The following RIMKLB variants were observed in gnomAD, a reference collection of about 807,000 sequenced individuals.
RIMKLB encodes beta-citrylglutamate synthase B.
RIMKLB carries 7 observed loss-of-function variants against 32.0 expected under a neutral mutation model. That is an observed-to-expected ratio of 0.22 (90% CI 0.12 to 0.41). RIMKLB has a LOEUF of 0.41. Ranked by LOEUF, RIMKLB falls within the 10% of genes least tolerant of loss-of-function variation. The pLI is 1.00. For missense variants in RIMKLB, 289 were observed against 498.7 expected (o/e 0.58, Z 4.00); for synonymous variants, 172 against 185.1 (o/e 0.93, Z 0.57).
intron 1 of RIMKLB, among the ~76,000 whole-genome samples, chr12:8,707,921 GTAT>G (rs1376252104): frequency 2.0e-5 from 3 of 152,152 alleles, no homozygotes; most frequent in African/African-American, 7.2e-5. Context: ...CAAGTCTTTA[GTAT>G]TATTATTTTT....
chr12:8,769,854 C>G (rs1950264476), intron 5 of RIMKLB, among the ~76,000 whole-genome samples: 1 of 152,192 alleles, frequency 6.6e-6, no homozygotes, highest in Admixed American at 6.5e-5. Flanking sequence ...CCTCTCCCCT[C>G]CAATGGGAAT....
intron 1 of RIMKLB, among the ~76,000 whole-genome samples, chr12:8,707,695 C>T (rs958633733): frequency 2.6e-5 from 4 of 152,172 alleles, no homozygotes; most frequent in African/African-American, 9.7e-5. Context: ...CTAAAGCTGC[C>T]TAGGGGCTGC....
chr12:8,733,408 TGTA>T (rs1946725306), intron 2 of RIMKLB, among the ~76,000 whole-genome samples: 1 of 152,134 alleles, frequency 6.6e-6, no homozygotes, highest in Admixed American at 6.5e-5. Flanking sequence ...AGATCCATCG[TGTA>T]GTATCTGTTT....
At chr12:8,777,614 A>G (rs1390847781), downstream of RIMKLB, 1 of 1,289,054 alleles carries the variant, frequency 7.8e-7, no homozygotes. Context: ...AAAAAAACAA[A>G]TACAAACAAA....
Position 8,732,095 on chromosome 12 carries a change from G to A in RIMKLB, c.176-17767G>A, listed in dbSNP as rs151004886. Among the ~76,000 whole-genome samples, 211 of 152,076 alleles carry A rather than the reference G, an allele frequency of 1.4e-3. 2 individuals are homozygous for A. Among genetic ancestry groups the A allele is most frequent in the African/African-American group, 4.7e-3 (195 of 41,484 alleles). On this transcript the variant is annotated intron_variant, in intron 2 of 5. Coordinates refer to ENST00000535829, the MANE Select transcript of RIMKLB (RefSeq NM_001297776.2). ...TCTTGGGTCCCTTGGCCTAGAACTAGAACTAGAACTTTTATTGTGGACTGG... is the reference window on the plus strand; with the variant it reads ...TCTTGGGTCCCTTGGCCTAGAACTAAAACTAGAACTTTTATTGTGGACTGG...
chr12:8,775,260 G>C lies in RIMKLB; in HGVS notation c.*1476G>C, dbSNP rs1950664728. 1 of 985,376 alleles carries C rather than the reference G, an allele frequency of 1.0e-6. No homozygotes were observed. The highest frequency in any genetic ancestry group is 1.7e-5 in the African/African-American group (1 of 57,216). 61.0% of individuals were successfully genotyped at this position (985,376 alleles called of 1,614,324 possible). On this transcript the variant is annotated 3_prime_UTR_variant, in exon 6 of 6. Transcript: ENST00000535829. ...TTTTTGTTTGGGGACTTATTTAGTA[G>C]TATTGAGTCTCTTATAGCCCTACTC...
intron 1 of RIMKLB, among the ~76,000 whole-genome samples, chr12:8,685,893 C>T (rs188398132): frequency 1.8e-4 from 28 of 152,242 alleles, no homozygotes; most frequent in Admixed American, 1.4e-3. Context: ...CTGCAACCTC[C>T]ACCTCCCAGG....
rs761503027 is a variant in RIMKLB at position 8,722,879 on chromosome 12, C to T, written c.175+8838C>T. ...CTGTTAGATTCAAACTTTCCTTCAC[C>T]TCCGTCAGCCTTCAAAGAATTGGAG... On this transcript the variant is annotated intron_variant, in intron 2 of 5. Coordinates refer to ENST00000535829, the MANE Select transcript of RIMKLB (RefSeq NM_001297776.2). Among the ~76,000 whole-genome samples, 6 of 152,336 alleles carry T rather than the reference C, an allele frequency of 3.9e-5. No homozygotes were observed. In the South Asian group the frequency reaches 1.2e-3, roughly 32 times the overall value.
intron 5 of RIMKLB, among the ~76,000 whole-genome samples, chr12:8,772,109 G>A (rs57030183): frequency 0.033 from 4,990 of 152,218 alleles, 268 homozygotes; most frequent in African/African-American, 0.11. Flanking sequence ...GGCTGGTCTT[G>A]AACTCCTGAC....
chr12:8,690,921 C>CA (rs1366188337), intron 1 of RIMKLB, among the ~76,000 whole-genome samples: 1 of 151,790 alleles, frequency 6.6e-6, no homozygotes, highest in Non-Finnish European at 1.5e-5. Flanking sequence ...GAGTCCGTCT[C>CA]AAAAAACAAA....
chr12:8,709,010 C>G (rs1286661901), intron 1 of RIMKLB, among the ~76,000 whole-genome samples: 1 of 152,082 alleles, frequency 6.6e-6, no homozygotes, highest in Non-Finnish European at 1.5e-5. Context: ...ATTGGTTGAC[C>G]TGAGCTTACA....
intron 2 of RIMKLB, among the ~76,000 whole-genome samples, chr12:8,735,014 G>T (rs182431298): frequency 5.5e-4 from 84 of 152,222 alleles, no homozygotes; most frequent in African/African-American, 1.9e-3. Context: ...AATTGAGGTA[G>T]TTTTCTCGCT....
chr12:8,752,067 T>C lies in RIMKLB; in HGVS notation c.493+24T>C, dbSNP rs146963935. ...AGGTATGTATGAGTTGTTGGTAAGG[T>C]ATATAGTTTTGAAACTATTCTTGCT... On this transcript the variant is annotated intron_variant, in intron 4 of 5. Transcript: ENST00000535829. 2.1e-4 allele frequency: 310 copies of C among 1,455,084 alleles called. 2 individuals are homozygous for C. The African/African-American group carries it at 3.6e-3, about 17-fold the overall frequency. 90.1% of individuals were successfully genotyped at this position (1,455,084 alleles called of 1,614,324 possible).
chr12:8,730,878 T>G (rs1252970625), intron 2 of RIMKLB, among the ~76,000 whole-genome samples: 1 of 151,964 alleles, frequency 6.6e-6, no homozygotes, highest in East Asian at 1.9e-4. Flanking sequence ...TAGCTGGGAT[T>G]ACAGGCATAT....
chr12:8,713,159 T>C (rs1381173324), intron 1 of RIMKLB, among the ~76,000 whole-genome samples: 1 of 152,190 alleles, frequency 6.6e-6, no homozygotes, highest in Non-Finnish European at 1.5e-5. Flanking sequence ...CTGGAATAAA[T>C]GAAATTTAGT....
At chr12:8,737,250 CTTTT>C (rs545535856) in intron 2 of RIMKLB, among the ~76,000 whole-genome samples, 14 of 136,002 alleles carry the variant, frequency 1.0e-4, no homozygotes, top group African/African-American at 3.5e-4. Flanking sequence ...TTAATCATGA[CTTTT>C]TTTTTTTTTT....
At chr12:8,777,288 C>A (rs757969487), downstream of RIMKLB, 1 of 962,198 alleles carries the variant, frequency 1.0e-6, no homozygotes, top group South Asian at 4.9e-5. Flanking sequence ...CATTTAGGCA[C>A]CTTTGGAGCT....
chr12:8,718,789 C>T (rs116226396), intron 2 of RIMKLB, among the ~76,000 whole-genome samples: 3,625 of 151,948 alleles, frequency 0.024, 136 homozygotes, highest in African/African-American at 0.082. Context: ...ATCCTCTGCC[C>T]ACATACATGG....
intron 1 of RIMKLB, among the ~76,000 whole-genome samples, chr12:8,686,624 C>T (rs905254176): frequency 2.0e-5 from 3 of 151,774 alleles, no homozygotes; most frequent in Non-Finnish European, 4.4e-5. Flanking sequence ...GGACTACAGG[C>T]GCCCGCCACC....
Sources: allele counts gnomAD v4.1 joint callset (sites outside exome capture counted in the v4.1 genomes callset), GRCh38; gene constraint gnomAD v4.1.1; transcripts MANE v1.5; gene names NCBI Gene and HGNC (gene_info 2026-07-23, HGNC 2026-07-21).